PRR16: variants seen among roughly 807,000 people sequenced by gnomAD.
PRR16 encodes the protein protein Largen.
In PRR16, 6 loss-of-function variants were observed where a neutral mutation model predicts 18.2. That is an observed-to-expected ratio of 0.33 (90% CI 0.18 to 0.65). PRR16 has a LOEUF of 0.65. PRR16 is among the 30% of genes least tolerant of loss of function. The pLI is 0.74. For missense variants in PRR16, 412 were observed against 376.6 expected (o/e 1.09, Z -0.78); for synonymous variants, 151 against 147.8 (o/e 1.02, Z -0.16).
intron 1 of PRR16, among the ~76,000 whole-genome samples, chr5:120,568,270 G>A (rs934527459): frequency 6.6e-6 from 1 of 152,066 alleles, no homozygotes; most frequent in Non-Finnish European, 1.5e-5. Context: ...TCCCACTCAG[G>A]GACATTGTGG....
intron 1 of PRR16, among the ~76,000 whole-genome samples, chr5:120,587,156 G>A (rs1030327608): frequency 6.6e-5 from 10 of 152,168 alleles, no homozygotes; most frequent in African/African-American, 2.4e-4. Flanking sequence ...AAAAGGTGAA[G>A]AAGATGTAGG....
intron 1 of PRR16, among the ~76,000 whole-genome samples, chr5:120,599,631 G>A (rs994294565): frequency 6.6e-6 from 1 of 151,684 alleles, no homozygotes; most frequent in East Asian, 1.9e-4. Context: ...TGATTTTGTT[G>A]CCTAGATTAG....
chr5:120,497,806 C>T (rs1342535259), intron 1 of PRR16, among the ~76,000 whole-genome samples: 2 of 151,270 alleles, frequency 1.3e-5, no homozygotes, highest in African/African-American at 4.9e-5. Context: ...TTATCATATA[C>T]ATAACATTAT....
At chr5:120,481,185 T>C (rs1482176015) in intron 1 of PRR16, 5 of 936,828 alleles carry the variant, frequency 5.3e-6, no homozygotes, top group Non-Finnish European at 7.4e-6. Flanking sequence ...TCCCACTCTG[T>C]TGCCCAGGCT....
chr5:120,654,739 A>C (rs1755907940), intron 1 of PRR16, among the ~76,000 whole-genome samples: 1 of 151,996 alleles, frequency 6.6e-6, no homozygotes, highest in South Asian at 2.1e-4. Context: ...AAAAATAAGA[A>C]AGGGTCCTCA....
rs1183191523 is a variant in PRR16, at chr5:120,616,190, T to C, written c.160-69764T>C. Reference sequence around the variant, plus strand: ...GTCAGTAATTGAGCAAGCTGGATGATCTAAGTTCTTACTCTTTTATTCATA... The same window carrying C: ...GTCAGTAATTGAGCAAGCTGGATGACCTAAGTTCTTACTCTTTTATTCATA... On this transcript the variant is annotated intron_variant, in intron 1 of 1. Transcript: ENST00000407149. 4.6e-5 allele frequency among the ~76,000 whole-genome samples: 7 copies of C among 152,244 alleles called. No homozygotes were observed. The East Asian group carries it at 1.4e-3, about 29-fold the overall frequency.
chr5:120,768,176 C>T, the PRR16 span, among the ~76,000 whole-genome samples: 1 of 151,772 alleles, frequency 6.6e-6, no homozygotes. Flanking sequence ...TCCACTCAAC[C>T]TTAATACATA....
intron 1 of PRR16, among the ~76,000 whole-genome samples, chr5:120,511,705 CTT>C (rs1445047935): frequency 6.6e-6 from 1 of 152,182 alleles, no homozygotes; most frequent in Admixed American, 6.5e-5. Context: ...GACAATTAGA[CTT>C]TTCAGATTTT....
At chr5:120,492,132 G>T (rs1371039877) in intron 1 of PRR16, among the ~76,000 whole-genome samples, 1 of 23,262 alleles carries the variant, frequency 4.3e-5, no homozygotes, top group Non-Finnish European at 8.7e-5. Flanking sequence ...CTGTCACCTA[G>T]GCTGGAGTGC....
At chr5:120,692,853 C>A in the PRR16 span, among the ~76,000 whole-genome samples, 1 of 152,094 alleles carries the variant, frequency 6.6e-6, no homozygotes, top group Non-Finnish European at 1.5e-5. Context: ...TTTATTACAA[C>A]TTTTAACAAC....
intron 1 of PRR16, among the ~76,000 whole-genome samples, chr5:120,673,220 G>A (rs1756675623): frequency 6.6e-6 from 1 of 152,326 alleles, no homozygotes. Flanking sequence ...TGATGCTTTA[G>A]TATCACTTTC....
chr5:120,590,065 T>C (rs983282185), intron 1 of PRR16, among the ~76,000 whole-genome samples: 3 of 152,180 alleles, frequency 2.0e-5, no homozygotes, highest in East Asian at 1.9e-4. Context: ...AGGTTTTTTG[T>C]TTCATTTACA....
chr5:120,652,105 A>G (rs890149428), intron 1 of PRR16, among the ~76,000 whole-genome samples: 1 of 151,864 alleles, frequency 6.6e-6, no homozygotes, highest in African/African-American at 2.4e-5. Context: ...AAGTTCTTTC[A>G]CTTGGTTTTG....
In PRR16 at chr5:120,684,444, TTGA is replaced by T. The variant is rs1245899912; in HGVS notation, c.160-1508_160-1506del. Among the ~76,000 whole-genome samples, 67 of 152,196 alleles carry T rather than the reference TTGA, an allele frequency of 4.4e-4. 1 individual carries two copies. Among genetic ancestry groups the T allele is most frequent in the Admixed American group, 2.6e-4 (4 of 15,272 alleles). ...ATGTGACAAAGAGCCAACTTCACAG[TTGA>T]TTAAACTTAGACCTAAGTAAGAGAG... On this transcript the variant is annotated intron_variant, in intron 1 of 1. Coordinates refer to ENST00000407149, the MANE Select transcript of PRR16 (RefSeq NM_001300783.2).
At position 120,598,213 on chromosome 5, in the gene PRR16, T is replaced by C. The variant is rs1328660923; in HGVS notation, c.160-87741T>C. ...TGAGGGCATGTGTGCAGATTTTTTA[T>C]ACATTTCTTGTTAATTATTTCTTTT... On this transcript the variant is annotated intron_variant, in intron 1 of 1. Coordinates refer to ENST00000407149, the MANE Select transcript of PRR16 (RefSeq NM_001300783.2). Among the ~76,000 whole-genome samples the C allele has an allele frequency of 2.0e-5, 3 of 151,980 alleles. No individual in the cohort carries two copies. The East Asian group carries it at 5.8e-4, about 29-fold the overall frequency.
chr5:120,524,379 T>C (rs1751284074), intron 1 of PRR16, among the ~76,000 whole-genome samples: 2 of 152,180 alleles, frequency 1.3e-5, no homozygotes, highest in Non-Finnish European at 2.9e-5. Context: ...ACATATCTAA[T>C]GTACAAGCTA....
the PRR16 span, among the ~76,000 whole-genome samples, chr5:120,733,250 A>T: frequency 6.6e-5 from 10 of 152,142 alleles, no homozygotes; most frequent in African/African-American, 2.4e-4. Flanking sequence ...GCTCAAGCTC[A>T]AGTGATCCTC....
chr5:120,668,930 C>G (rs1756494062), intron 1 of PRR16, among the ~76,000 whole-genome samples: 1 of 151,966 alleles, frequency 6.6e-6, no homozygotes, highest in South Asian at 2.1e-4. Context: ...GCGTCCGCAT[C>G]AAATAAATGT....
chr5:120,778,447 T>TTTAAG, the PRR16 span, among the ~76,000 whole-genome samples: 2 of 152,140 alleles, frequency 1.3e-5, no homozygotes, highest in Non-Finnish European at 2.9e-5. Context: ...AAAAATAAAA[T>TTTAAG]TTAAGTTGTA....
Sources: gnomAD v4.1 joint callset for allele counts (sites outside exome capture counted in the v4.1 genomes callset) on GRCh38, gnomAD v4.1.1 for gene constraint, MANE v1.5 for transcripts, NCBI Gene and HGNC (gene_info 2026-07-23, HGNC 2026-07-21) for gene names.